Variants in SLC35B4 observed in about 807,000 individuals in gnomAD.
SLC35B4 encodes the protein solute carrier family 35 member B4, also known as nucleotide sugar transporter SLC35B4.
A neutral mutation model predicts 39.5 loss-of-function variants in SLC35B4; 28 were observed. That is an observed-to-expected ratio of 0.71 (90% CI 0.53 to 0.97). The LOEUF is 0.97. Among genes scored for constraint, SLC35B4 ranks in the 50% least tolerant of loss-of-function variants. The pLI, the probability that SLC35B4 is intolerant of heterozygous loss-of-function variation, is 0.00. For synonymous variants in SLC35B4, 145 were observed against 150.4 expected, an observed-to-expected ratio of 0.96 and a Z score of 0.26; for missense variants, 334 against 414.3, an observed-to-expected ratio of 0.81 and a Z score of 1.68.
Position 134,300,206 on chromosome 7 carries a change from T to C in SLC35B4, c.543A>G (p.Gln181=), listed in dbSNP as rs1803549800. The change falls in exon 7 of 10, where the codon CAA becomes CAG. Residue 181 remains glutamine (Q), a synonymous_variant. Coordinates refer to ENST00000378509, the MANE Select transcript of SLC35B4 (RefSeq NM_032826.5). The part of the protein sequence containing the change: ...LLMSARMGIF[Q]ETLYKRFGKH... Reference sequence around the variant, plus strand: ...TCCCAAATCGTTTGTAGAGAGTCTCTTGGAATATCCCCATCCTTGCTGACA... The same window carrying C: ...TCCCAAATCGTTTGTAGAGAGTCTCCTGGAATATCCCCATCCTTGCTGACA... The C allele has an allele frequency of 1.2e-6, 2 of 1,613,348 alleles. No homozygotes were observed. Among genetic ancestry groups the C allele is most frequent in the Non-Finnish European group, 8.5e-7 (1 of 1,179,874 alleles).
intron 2 of SLC35B4, among the ~76,000 whole-genome samples, chr7:134,307,891 T>C (rs1803744569): frequency 1.3e-5 from 2 of 152,224 alleles, no homozygotes. Context: ...TCTTCACAGC[T>C]TCTAAATAAT....
chr7:134,316,603 CG>C (rs1803984549), intron 1 of SLC35B4, 71 bp downstream of exon 1: 13 of 1,493,888 alleles, frequency 8.7e-6, no homozygotes, highest in East Asian at 2.5e-5. Flanking sequence ...GGGCGCGTCC[CG>C]GGGGGACCTC....
Position 134,316,683 on chromosome 7 carries a change from G to A in SLC35B4, c.69C>T (p.Leu23=), listed in dbSNP as rs1803990308. 2.6e-6 allele frequency: 4 copies of A among 1,550,456 alleles called. No individual in the cohort carries two copies. Among genetic ancestry groups the A allele is most frequent in the Non-Finnish European group, 3.5e-6 (4 of 1,146,726 alleles). ...CCGAGCGGGTCACTCACCGGGCCAG[G>A]AGCTCTAGGAAGATCACGTTACTGC... The part of the protein sequence containing the change: ...GCCSNVIFLE[L]LARKHPGCGN... The change falls in exon 1 of 10, where the codon CTC becomes CTT. Residue 23 remains leucine, a synonymous_variant. Transcript: ENST00000378509.
At chr7:134,314,819 C>T (rs1803932372) in intron 1 of SLC35B4, among the ~76,000 whole-genome samples, 2 of 152,172 alleles carry the variant, frequency 1.3e-5, no homozygotes, top group Admixed American at 1.3e-4. Context: ...CAGGTGTGAG[C>T]CACCATGCCT....
At chr7:134,295,387 C>A (rs1461394188) in intron 9 of SLC35B4, among the ~76,000 whole-genome samples, 1 of 152,062 alleles carries the variant, frequency 6.6e-6, no homozygotes, top group Non-Finnish European at 1.5e-5. Context: ...TAAGGGTGAT[C>A]CCATTCACCT....
chr7:134,319,250 C>G (rs1175387990), upstream of SLC35B4, among the ~76,000 whole-genome samples: 1 of 152,208 alleles, frequency 6.6e-6, no homozygotes, highest in East Asian at 1.9e-4. Flanking sequence ...CTACTCTGAT[C>G]AATGCCAGGG....
chr7:134,312,340 A>C (rs1803864739), intron 1 of SLC35B4, among the ~76,000 whole-genome samples: 1 of 152,176 alleles, frequency 6.6e-6, no homozygotes, highest in Non-Finnish European at 1.5e-5. Flanking sequence ...GTTTAGGCCA[A>C]GTCAACTAAA....
rs1251365827 is a variant in SLC35B4 at position 134,313,561 on chromosome 7, A to C, written c.77+3114T>G. Among the ~76,000 whole-genome samples the C allele has an allele frequency of 5.3e-5, 8 of 152,358 alleles. No individual in the cohort carries two copies. The East Asian group carries it at 1.5e-3, about 29-fold the overall frequency. On this transcript the variant is annotated intron_variant, in intron 1 of 9. Transcript: ENST00000378509. ...TCAAGGCACTCGTCCATTACTACCTATCTGCTCTGTCCACTGCATTGTGTT... is the reference window on the plus strand; with the variant it reads ...TCAAGGCACTCGTCCATTACTACCTCTCTGCTCTGTCCACTGCATTGTGTT...
At chr7:134,304,903 A>G in intron 3 of SLC35B4, 49 bp from the exon 4 acceptor site, 1 of 1,433,648 alleles carries the variant, frequency 7.0e-7, no homozygotes, top group South Asian at 1.2e-5. Flanking sequence ...ACTAGGAAAA[A>G]AACAACGTAA....
chr7:134,315,121 T>G (rs1585648696), intron 1 of SLC35B4, among the ~76,000 whole-genome samples: 1 of 152,196 alleles, frequency 6.6e-6, no homozygotes, highest in Non-Finnish European at 1.5e-5. Context: ...CATGAAGAAC[T>G]GGATGACCAA....
At chr7:134,319,946 A>G (rs1045523924), upstream of SLC35B4, among the ~76,000 whole-genome samples, 3 of 151,882 alleles carry the variant, frequency 2.0e-5, no homozygotes, top group Non-Finnish European at 4.4e-5. Flanking sequence ...GCCTCCTAAC[A>G]TCTTGGTGCC....
intron 8 of SLC35B4, among the ~76,000 whole-genome samples, chr7:134,298,687 T>G (rs533845990): frequency 6.6e-5 from 10 of 152,274 alleles, no homozygotes; most frequent in South Asian, 4.1e-4. Context: ...TCACATTTTT[T>G]GGGGGATGGG....
chr7:134,303,573 T>C (rs1439605471), intron 4 of SLC35B4, among the ~76,000 whole-genome samples: 1 of 152,332 alleles, frequency 6.6e-6, no homozygotes, highest in South Asian at 2.1e-4. Context: ...GTCCATGATA[T>C]GAAGCCTAGT....
Position 134,304,845 on chromosome 7 carries a change from T to C in SLC35B4, c.304A>G (p.Ile102Val). ...LHMIFRSGSL[I>V]ANMILGIIIL... is the part of the protein sequence containing the mutation. The stretch of plus-strand genomic sequence containing the variant: ...ATAATTCCTAGAATCATGTTGGCAA[T>C]TAGAGAACCCTGCAAAAGGAGACAA... The change falls in exon 4 of 10, where the codon ATT (isoleucine) becomes GTT (valine). Residue 102 changes from isoleucine to valine, a missense_variant. By Grantham distance (29) the Ile-to-Val change is conservative. Transcript: ENST00000378509. 1 of 1,612,712 alleles carries C rather than the reference T, an allele frequency of 6.2e-7. No homozygotes were observed.
At chr7:134,308,658 C>T (rs1323032729) in intron 2 of SLC35B4, among the ~76,000 whole-genome samples, 5 of 152,148 alleles carry the variant, frequency 3.3e-5, no homozygotes, top group East Asian at 1.9e-4. Context: ...TCGCTCTAAA[C>T]GGGAGTAAGT....
intron 8 of SLC35B4, among the ~76,000 whole-genome samples, chr7:134,296,766 T>C (rs1302263470): frequency 1.6e-4 from 25 of 152,132 alleles, no homozygotes; most frequent in Admixed American, 1.6e-3. Context: ...AAGTTGAAAA[T>C]GATAAAATGA....
At chr7:134,312,789 C>T (rs899537473) in intron 1 of SLC35B4, among the ~76,000 whole-genome samples, 2 of 152,226 alleles carry the variant, frequency 1.3e-5, no homozygotes, top group South Asian at 2.1e-4. Context: ...CATTGCACTG[C>T]GTCAGGTAAG....
Position 134,295,041 on chromosome 7 carries a change from T to A in SLC35B4, c.788A>T (p.Glu263Val). The change falls in exon 10 of 10, where the codon GAA (glutamate) becomes GTA (valine). Residue 263 changes from glutamate to valine, a missense_variant. Transcript: ENST00000378509. ...CIRGVFILTT[E>V]CASLTVTLVV... The stretch of plus-strand genomic sequence containing the variant: ...GAGCGTGACGGTGAGGGAGGCGCAT[T>A]CTGTGGTGAGGATAAACACACCCCG... The A allele has an allele frequency of 6.2e-7, 1 of 1,614,126 alleles. No individual in the cohort carries two copies. Among genetic ancestry groups the A allele is most frequent in the Non-Finnish European group, 8.5e-7 (1 of 1,180,034 alleles).
intron 8 of SLC35B4, among the ~76,000 whole-genome samples, chr7:134,297,037 CAGCCTCCCA>C (rs1051794121): frequency 6.6e-6 from 1 of 152,226 alleles, no homozygotes; most frequent in Non-Finnish European, 1.5e-5. Context: ...TCTTGTGCCT[CAGCCTCCCA>C]AGTAGCTGGG....
Sources: allele counts gnomAD v4.1 joint callset (sites outside exome capture counted in the v4.1 genomes callset), GRCh38; gene constraint gnomAD v4.1.1; transcripts MANE v1.5; gene names NCBI Gene and HGNC (gene_info 2026-07-23, HGNC 2026-07-21).